CRY1: variants seen among roughly 807,000 people sequenced by gnomAD.
The protein encoded by CRY1 is cryptochrome-1.
A neutral mutation model predicts 76.0 loss-of-function variants in CRY1; 45 were observed. The observed-to-expected ratio is 0.59, with a 90% CI of 0.47 to 0.76. The LOEUF (loss-of-function observed/expected upper bound fraction) is 0.76, where lower values mean the gene tolerates loss of function less well. Ranked by LOEUF, CRY1 falls within the 30% of genes least tolerant of loss-of-function variation. The pLI is 0.00. For synonymous variants in CRY1, 248 were observed against 244.0 expected (o/e 1.02, Z -0.15); for missense variants, 587 against 716.4 (o/e 0.82, Z 2.06).
chr12:107,083,809 C>A (rs770081813), intron 1 of CRY1, among the ~76,000 whole-genome samples: 15 of 152,168 alleles, frequency 9.9e-5, no homozygotes, highest in Non-Finnish European at 1.9e-4. Flanking sequence ...TCTCACCACT[C>A]CTATTCAACA....
chr12:107,062,430 TTACAG>T (rs1353216369), intron 1 of CRY1, among the ~76,000 whole-genome samples: 3 of 152,158 alleles, frequency 2.0e-5, no homozygotes, highest in South Asian at 2.1e-4. Context: ...AGCAATTACA[TTACAG>T]TACAAGTTAT....
chr12:107,009,999 G>A (rs1952424737), intron 2 of CRY1, among the ~76,000 whole-genome samples: 2 of 151,992 alleles, frequency 1.3e-5, no homozygotes, highest in South Asian at 2.1e-4. Context: ...TCAAAATAAA[G>A]CCATCTAAGG....
intron 2 of CRY1, among the ~76,000 whole-genome samples, chr12:107,009,938 AAG>A (rs1952424305): frequency 6.6e-6 from 1 of 151,984 alleles, no homozygotes. Context: ...TGTTTTCTGA[AAG>A]AGTTTAATTT....
intron 1 of CRY1, among the ~76,000 whole-genome samples, chr12:107,025,723 A>G (rs1952600653): frequency 6.6e-6 from 1 of 152,122 alleles, no homozygotes; most frequent in East Asian, 1.9e-4. Flanking sequence ...TTCATTTTAT[A>G]TGCAATTCCA....
Position 107,069,526 on chromosome 12 carries a change from T to C in CRY1, c.158+23278A>G, listed in dbSNP as rs917397672. 2.1e-5 allele frequency among the ~76,000 whole-genome samples: 3 copies of C among 143,572 alleles called. No homozygotes were observed. The Admixed American group carries it at 2.2e-4, about 10-fold the overall frequency. 94.2% of individuals were successfully genotyped at this position (143,572 alleles called of 152,430 possible). On this transcript the variant is annotated intron_variant, in intron 1 of 12. Transcript: ENST00000008527. ...TTCAGGTGCCTGTAGCCATTGTTTGTTATATATATATTATATATATAAAGT... is the reference window on the plus strand; with the variant it reads ...TTCAGGTGCCTGTAGCCATTGTTTGCTATATATATATTATATATATAAAGT...
chr12:107,062,519 T>C (rs1192184793), intron 1 of CRY1, among the ~76,000 whole-genome samples: 1 of 152,132 alleles, frequency 6.6e-6, no homozygotes, highest in Non-Finnish European at 1.5e-5. Flanking sequence ...GCTGACATAA[T>C]ATATATTTTC....
At chr12:107,032,509 G>GAC (rs71076712) in intron 1 of CRY1, among the ~76,000 whole-genome samples, 31,324 of 150,786 alleles carry the variant, frequency 0.21, 3,395 homozygotes, top group African/African-American at 0.27. Context: ...AACTGTTACA[G>GAC]ACACACACAC....
At chr12:107,003,122 A>G (rs945533377) in intron 3 of CRY1, among the ~76,000 whole-genome samples, 10 of 152,200 alleles carry the variant, frequency 6.6e-5, no homozygotes, top group African/African-American at 2.4e-4. Flanking sequence ...CTATTGTGCT[A>G]ATGAAGGCAT....
chr12:107,069,214 C>T (rs1209957955), intron 1 of CRY1, among the ~76,000 whole-genome samples: 1 of 141,120 alleles, frequency 7.1e-6, no homozygotes, highest in Admixed American at 7.9e-5. Flanking sequence ...CCAACAATTA[C>T]TTTCCGTTTA....
At chr12:107,091,043 TC>T (rs1953465497) in intron 1 of CRY1, among the ~76,000 whole-genome samples, 1 of 150,572 alleles carries the variant, frequency 6.6e-6, no homozygotes. Context: ...AAACTATAAG[TC>T]CTTTTTTTTT....
intron 6 of CRY1, 21 bp from the exon 7 acceptor site, chr12:106,999,883 A>C (rs762546831): frequency 1.9e-6 from 3 of 1,592,128 alleles, no homozygotes; most frequent in Non-Finnish European, 2.6e-6. Context: ...AAAGCAAAGA[A>C]GTATTATCAG....
chr12:107,066,000 C>T (rs1290089895), intron 1 of CRY1, among the ~76,000 whole-genome samples: 1 of 152,212 alleles, frequency 6.6e-6, no homozygotes, highest in Non-Finnish European at 1.5e-5. Flanking sequence ...CAGTCTATGA[C>T]TATGTTGCTA....
At chr12:107,020,444 G>A (rs1029626838) in intron 2 of CRY1, among the ~76,000 whole-genome samples, 4 of 152,130 alleles carry the variant, frequency 2.6e-5, no homozygotes. Flanking sequence ...TGTTGGAAGT[G>A]GAGCCTGGTG....
intron 1 of CRY1, among the ~76,000 whole-genome samples, chr12:107,080,234 T>C (rs1227782520): frequency 6.6e-6 from 1 of 152,050 alleles, no homozygotes; most frequent in Non-Finnish European, 1.5e-5. Flanking sequence ...AAACTCAGTT[T>C]GGGGTTTGTT....
intron 1 of CRY1, among the ~76,000 whole-genome samples, chr12:107,076,554 G>T (rs1355313190): frequency 1.3e-5 from 2 of 150,894 alleles, no homozygotes; most frequent in Admixed American, 6.6e-5. Flanking sequence ...GGCAGAGGTT[G>T]CAGTGAGCTG....
chr12:107,038,339 C>T (rs1179456743), intron 1 of CRY1, among the ~76,000 whole-genome samples: 1 of 152,100 alleles, frequency 6.6e-6, no homozygotes, highest in Non-Finnish European at 1.5e-5. Context: ...CAGAAAGAAG[C>T]AGCTTCACTT....
At chr12:107,000,116 T>C (rs775114528) in intron 5 of CRY1, 34 bp from the exon 6 acceptor site, 31 of 1,546,486 alleles carry the variant, frequency 2.0e-5, no homozygotes, top group Non-Finnish European at 2.4e-5. Context: ...TATTAACTAA[T>C]TGTCTTTTTC....
At position 107,001,850 on chromosome 12, in the gene CRY1, A is replaced by G. The variant is rs372247366; in HGVS notation, c.509T>C (p.Ile170Thr). The change falls in exon 4 of 13, where the codon ATT becomes ACT. Residue 170 changes from isoleucine (I) to threonine (T), a missense_variant. Physicochemically the swap from Ile to Thr is moderately conservative, Grantham distance 89. Coordinates refer to ENST00000008527, the MANE Select transcript of CRY1 (RefSeq NM_004075.5). ...MEPLEIPVET[I>T]TSEVIEKCTT... ...GCACTTTTCTATCACTTCTGAAGTAATTGTCTCTACTGGTATCTCTAGTGG... is the reference window on the plus strand; with the variant it reads ...GCACTTTTCTATCACTTCTGAAGTAGTTGTCTCTACTGGTATCTCTAGTGG... The G allele has an allele frequency of 6.3e-7, 1 of 1,595,086 alleles. No homozygotes were observed. The highest frequency in any genetic ancestry group is 1.4e-5 in the African/African-American group (1 of 73,580).
rs543727499 is a variant in CRY1 at position 107,089,375 on chromosome 12, C to A, written c.158+3429G>T. On this transcript the variant is annotated intron_variant, in intron 1 of 12. Transcript: ENST00000008527. ...TTAAGAGATAGGGTCTCTCTGTGTA[C>A]CCAGGCTGGAGTGCAGTAGCCCATT... Among the ~76,000 whole-genome samples, 87 of 149,238 alleles carry A rather than the reference C, an allele frequency of 5.8e-4. No individual in the cohort carries two copies. In the East Asian group the frequency reaches 0.014, roughly 24 times the overall value.
Sources: allele counts gnomAD v4.1 joint callset (sites outside exome capture counted in the v4.1 genomes callset), GRCh38; gene constraint gnomAD v4.1.1; transcripts MANE v1.5; gene names NCBI Gene and HGNC (gene_info 2026-07-23, HGNC 2026-07-21).